Variants in PDE9A observed in about 807,000 individuals in gnomAD.
The protein encoded by PDE9A is phosphodiesterase 9A.
In PDE9A, 60 loss-of-function variants were observed where a neutral mutation model predicts 87.4. The ratio of observed to expected loss-of-function variants is 0.69; its 90% CI spans 0.56 to 0.85. The LOEUF (loss-of-function observed/expected upper bound fraction) is 0.85. Ranked by LOEUF, PDE9A falls within the 40% of genes least tolerant of loss-of-function variation. The pLI is 0.00. For missense variants in PDE9A, 665 were observed against 779.0 expected, an observed-to-expected ratio of 0.85 and a Z score of 1.74; for synonymous variants, 272 against 279.4, an observed-to-expected ratio of 0.97 and a Z score of 0.27.
intron 1 of PDE9A, among the ~76,000 whole-genome samples, chr21:42,655,479 C>T (rs926549756): frequency 3.9e-5 from 6 of 152,074 alleles, no homozygotes; most frequent in Non-Finnish European, 8.8e-5. Flanking sequence ...ACAGTGGACA[C>T]GCTGAGGTTG....
At chr21:42,670,240 CTCATACACATACAT>C (rs2058369753) in intron 1 of PDE9A, among the ~76,000 whole-genome samples, 2 of 97,796 alleles carry the variant, frequency 2.0e-5, no homozygotes. Context: ...TACATTCACA[CTCATACACATACAT>C]ACATTCACAC....
rs899557854 is a variant in PDE9A, at chr21:42,694,956, A to C, written c.219-4012A>C. On this transcript the variant is annotated intron_variant, in intron 3 of 19. Transcript: ENST00000291539. This position sits in a 1 kb window ranked among gnomAD's most constrained non-coding sequence, Gnocchi z 5.3. The stretch of plus-strand genomic sequence containing the variant: ...TCCCCTTCTGCAAACCTCCAAGCAC[A>C]TTCCCCCTCTGCACACTGCCAATCT... Among the ~76,000 whole-genome samples the C allele has an allele frequency of 3.3e-5, 5 of 152,162 alleles. No individual in the cohort carries two copies. Among genetic ancestry groups the C allele is most frequent in the Middle Eastern group, 6.8e-3 (2 of 294 alleles).
At chr21:42,762,583 G>A (rs1475669481) in intron 14 of PDE9A, among the ~76,000 whole-genome samples, 1 of 152,200 alleles carries the variant, frequency 6.6e-6, no homozygotes, top group East Asian at 1.9e-4. Flanking sequence ...GAGGGGACAG[G>A]CCCTGGACAG....
At chr21:42,772,225 C>A (rs9974366) in intron 18 of PDE9A, among the ~76,000 whole-genome samples, 16,564 of 152,222 alleles carry the variant, frequency 0.11, 1,135 homozygotes, top group African/African-American at 0.18. Flanking sequence ...AGCTCACTGT[C>A]CAGGCCCCAG....
intron 1 of PDE9A, among the ~76,000 whole-genome samples, chr21:42,685,057 G>C (rs1199001292): frequency 6.6e-6 from 1 of 152,214 alleles, no homozygotes. Flanking sequence ...CCACACCGGG[G>C]ACTTGTGCTG....
chr21:42,670,476 A>G lies in PDE9A; in HGVS notation c.70-15716A>G, dbSNP rs1386805072. On this transcript the variant is annotated intron_variant, in intron 1 of 19. Transcript: ENST00000291539. ...GTCACACAGACTTGCACATAGACTT[A>G]CACACATACACTTACACACGCACTC... Among the ~76,000 whole-genome samples, 3 of 150,786 alleles carry G rather than the reference A, an allele frequency of 2.0e-5. No individual in the cohort carries two copies. In the East Asian group the frequency reaches 5.8e-4, roughly 29 times the overall value.
intron 18 of PDE9A, among the ~76,000 whole-genome samples, chr21:42,771,770 G>A (rs567794914): frequency 6.0e-4 from 91 of 152,370 alleles, no homozygotes; most frequent in African/African-American, 2.1e-3. Context: ...CGCCTGGAGC[G>A]CCATGCCAGG....
chr21:42,672,789 A>T (rs988112779), intron 1 of PDE9A, among the ~76,000 whole-genome samples: 2 of 152,216 alleles, frequency 1.3e-5, no homozygotes, highest in African/African-American at 4.8e-5. Context: ...CTTCTGTCGC[A>T]CTGTGGACAC....
intron 18 of PDE9A, among the ~76,000 whole-genome samples, 184 bp from the exon 19 acceptor site, chr21:42,772,255 G>A (rs1387797705): frequency 3.9e-5 from 6 of 152,192 alleles, no homozygotes; most frequent in Non-Finnish European, 7.4e-5. Flanking sequence ...CAAGGGTAGC[G>A]GGACAGGGTA....
At position 42,659,373 on chromosome 21, in the gene PDE9A, G is replaced by A. The variant is rs1226205438; in HGVS notation, c.69+5490G>A. Among the ~76,000 whole-genome samples the A allele has an allele frequency of 6.6e-6, 1 of 152,216 alleles. No individual in the cohort carries two copies. Among genetic ancestry groups the A allele is most frequent in the Admixed American group, 6.5e-5 (1 of 15,286 alleles). Reference sequence around the variant, plus strand: ...TCCAGGAGGGCTGGTCCCATAGAGTGGTGGGGACATGGTGCTGAGACGGAC... The same window carrying A: ...TCCAGGAGGGCTGGTCCCATAGAGTAGTGGGGACATGGTGCTGAGACGGAC... On this transcript the variant is annotated intron_variant, in intron 1 of 19. Coordinates refer to ENST00000291539, the MANE Select transcript of PDE9A (RefSeq NM_002606.3). The surrounding 1 kb of genome is among the most constrained non-coding windows in gnomAD (Gnocchi z 4.1).
In PDE9A at chr21:42,762,251, G is replaced by A. The variant is rs533440180; in HGVS notation, c.1242+12G>A. The A allele has an allele frequency of 6.2e-7, 1 of 1,612,720 alleles. No individual in the cohort carries two copies. The highest frequency in any genetic ancestry group is 8.5e-7 in the Non-Finnish European group (1 of 1,179,126). On this transcript the variant is annotated intron_variant, in intron 14 of 19. Coordinates refer to ENST00000291539, the MANE Select transcript of PDE9A (RefSeq NM_002606.3). ...AGCAGATCCGACAGGTGTGTGGGGT[G>A]AGGGCCCTCCCACCGGAGTGGGGGC...
At chr21:42,681,841 CT>C (rs890868216) in intron 1 of PDE9A, among the ~76,000 whole-genome samples, 1 of 152,198 alleles carries the variant, frequency 6.6e-6, no homozygotes, top group Non-Finnish European at 1.5e-5. Context: ...ATTTTATCAA[CT>C]TTTTTTGCAC....
chr21:42,768,009 G>C (rs1463052176), intron 15 of PDE9A, among the ~76,000 whole-genome samples, 179 bp from the exon 16 acceptor site: 1 of 152,220 alleles, frequency 6.6e-6, no homozygotes, highest in Admixed American at 6.5e-5. Flanking sequence ...ACAGGACCTT[G>C]AAGGTTCATT....
At chr21:42,697,444 G>A (rs773617371) in intron 3 of PDE9A, 37 of 1,611,972 alleles carry the variant, frequency 2.3e-5, no homozygotes, top group Non-Finnish European at 3.0e-5. Context: ...ACATCACTCC[G>A]TAACTTGTTG....
chr21:42,690,752 C>T (rs1252617842), intron 3 of PDE9A, among the ~76,000 whole-genome samples: 1 of 152,086 alleles, frequency 6.6e-6, no homozygotes, highest in Non-Finnish European at 1.5e-5. Context: ...TCCATGGTGG[C>T]CTCCCAATCT....
chr21:42,654,868 C>T (rs2056930444), intron 1 of PDE9A, among the ~76,000 whole-genome samples: 1 of 152,192 alleles, frequency 6.6e-6, no homozygotes, highest in Non-Finnish European at 1.5e-5. Context: ...CCGTAGCCCG[C>T]TTTGAGAGAC....
At chr21:42,761,971 G>C (rs2055827147) in intron 13 of PDE9A, 112 bp from the exon 14 acceptor site, 2 of 1,091,138 alleles carry the variant, frequency 1.8e-6, no homozygotes, top group South Asian at 1.5e-5. Context: ...CAGCCCCCAC[G>C]GCACCTTCTC....
chr21:42,662,758 C>G (rs536242954), intron 1 of PDE9A, among the ~76,000 whole-genome samples: 1 of 140,368 alleles, frequency 7.1e-6, no homozygotes, highest in Non-Finnish European at 1.5e-5. Context: ...AGAACGCACA[C>G]CACACACAAG....
intron 1 of PDE9A, among the ~76,000 whole-genome samples, chr21:42,666,255 T>G (rs374485543): frequency 2.4e-4 from 36 of 152,258 alleles, no homozygotes; most frequent in Middle Eastern, 3.4e-3. Context: ...GTCCTTGGAC[T>G]TGGGTTCTCC....
Sources: gnomAD v4.1 joint callset for allele counts (sites outside exome capture counted in the v4.1 genomes callset) on GRCh38, gnomAD v4.1.1 for gene constraint, Gnocchi (gnomAD v3.1) non-coding constraint, MANE v1.5 for transcripts, NCBI Gene and HGNC (gene_info 2026-07-23, HGNC 2026-07-21) for gene names.